SF3A3: variants seen among roughly 807,000 people sequenced by gnomAD.
SF3A3 encodes the protein splicing factor 3a subunit 3.
SF3A3 carries 9 observed loss-of-function variants against 85.8 expected under a neutral mutation model. That is an observed-to-expected ratio of 0.10 (90% CI 0.06 to 0.18). The LOEUF is 0.18. Among genes scored for constraint, SF3A3 ranks in the 10% least tolerant of loss-of-function variants. The pLI, the probability that SF3A3 is intolerant of heterozygous loss-of-function variation, is 1.00. For missense variants in SF3A3, 306 were observed against 593.3 expected, an observed-to-expected ratio of 0.52 and a Z score of 5.03; for synonymous variants, 195 against 204.4, an observed-to-expected ratio of 0.95 and a Z score of 0.39.
At chr1:37,970,337 A>T (rs1220275610) in intron 12 of SF3A3, among the ~76,000 whole-genome samples, 2 of 151,818 alleles carry the variant, frequency 1.3e-5, no homozygotes, top group Non-Finnish European at 2.9e-5. Context: ...CACACAATAC[A>T]GGAGCACCCA....
At chr1:37,966,697 G>A (rs1404390217) in intron 15 of SF3A3, among the ~76,000 whole-genome samples, 1 of 151,828 alleles carries the variant, frequency 6.6e-6, no homozygotes, top group Non-Finnish European at 1.5e-5. Flanking sequence ...AGCACTTTGG[G>A]AGGCCGAGGT....
rs376219217 is a variant in SF3A3 at position 37,979,106 on chromosome 1, A to T, written c.760-51T>A. 1.2e-5 allele frequency: 18 copies of T among 1,490,046 alleles called. No individual in the cohort carries two copies. The African/African-American group carries it at 2.4e-4, about 19-fold the overall frequency. 92.3% of individuals were successfully genotyped at this position (1,490,046 alleles called of 1,614,324 possible). ...ATATTACATTAACAGATTTTTGGGAAACCCCAAATGCAGGCCAGAGGGTGG... is the reference window on the plus strand; with the variant it reads ...ATATTACATTAACAGATTTTTGGGATACCCCAAATGCAGGCCAGAGGGTGG... On this transcript the variant is annotated intron_variant, in intron 9 of 16. Transcript: ENST00000373019.
intron 7 of SF3A3, 30 bp from the exon 8 acceptor site, chr1:37,980,754 CA>C (rs1646412388): frequency 6.5e-7 from 1 of 1,527,336 alleles, no homozygotes. Flanking sequence ...GCAGACAAAG[CA>C]AAAAGGGTTT....
intron 2 of SF3A3, among the ~76,000 whole-genome samples, chr1:37,988,595 T>C (rs963010012): frequency 6.6e-6 from 1 of 152,126 alleles, no homozygotes; most frequent in African/African-American, 2.4e-5. Context: ...TCAGAGTATT[T>C]TGGGGCTGAG....
At position 37,984,694 on chromosome 1, in the gene SF3A3, C is replaced by T. The variant is rs752296584; in HGVS notation, c.376+13G>A. On this transcript the variant is annotated intron_variant, in intron 5 of 16. Coordinates refer to ENST00000373019, the MANE Select transcript of SF3A3 (RefSeq NM_006802.4). ...TTTTGCTGGTGCTGAATGAAATTTT[C>T]ACCCCTACTTACTTTGTGCCTCTTC... 29 of 1,581,856 alleles carry T rather than the reference C, an allele frequency of 1.8e-5. No individual in the cohort carries two copies. Among genetic ancestry groups the T allele is most frequent in the Middle Eastern group, 1.7e-4 (1 of 6,004 alleles).
rs1449801962 is a variant in SF3A3, at chr1:37,969,679, T to C, written c.1062A>G (p.Glu354=). The part of the protein sequence containing the change: ...NVQRKQARTG[E]EREEEEEEQI... ...GCTCTTCTTCCTCTTCTTCTCGCTC[T>C]TCTCCTGTCCTGGCTTGCTTGCGCT... Residue 354 remains glutamate, a synonymous_variant, in exon 13 of 17, where the codon GAA becomes GAG. Transcript: ENST00000373019. The C allele has an allele frequency of 1.9e-6, 3 of 1,614,080 alleles. No homozygotes were observed. In the Admixed American group the frequency reaches 5.0e-5, roughly 27 times the overall value.
chr1:37,963,802 C>T (rs1263967493), intron 15 of SF3A3, among the ~76,000 whole-genome samples: 4 of 149,034 alleles, frequency 2.7e-5, no homozygotes, highest in South Asian at 2.2e-4. Flanking sequence ...GTTATCTGCC[C>T]GCCTCAGCCT....
chr1:37,963,742 G>A (rs948023892), intron 15 of SF3A3, among the ~76,000 whole-genome samples: 9 of 151,058 alleles, frequency 6.0e-5, no homozygotes, highest in African/African-American at 2.2e-4. Flanking sequence ...ATTTTTAGTA[G>A]AGACGGGGTT....
At chr1:37,979,241 T>C (rs896775386) in intron 9 of SF3A3, 186 bp from the exon 10 acceptor site, 4 of 624,206 alleles carry the variant, frequency 6.4e-6, no homozygotes, top group Non-Finnish European at 1.1e-5. Context: ...ACCATACTGA[T>C]AGTGTTCCAT....
chr1:37,961,910 A>AC (rs1292973472), intron 15 of SF3A3, among the ~76,000 whole-genome samples: 1 of 150,806 alleles, frequency 6.6e-6, no homozygotes, highest in Non-Finnish European at 1.5e-5. Flanking sequence ...ACATGGAGAA[A>AC]CCCCATCTCT....
At chr1:37,970,096 G>C (rs1275548927) in intron 12 of SF3A3, among the ~76,000 whole-genome samples, 1 of 152,126 alleles carries the variant, frequency 6.6e-6, no homozygotes, top group Non-Finnish European at 1.5e-5. Context: ...CTTGAGGCCA[G>C]GAGTTTGACA....
intron 8 of SF3A3, among the ~76,000 whole-genome samples, chr1:37,979,776 G>A (rs1285986552): frequency 6.6e-6 from 1 of 152,138 alleles, no homozygotes; most frequent in East Asian, 1.9e-4. Flanking sequence ...AAGATCTCTT[G>A]AGCCCACAAG....
intron 2 of SF3A3, among the ~76,000 whole-genome samples, chr1:37,988,039 T>C (rs1557756717): frequency 6.6e-6 from 1 of 152,200 alleles, no homozygotes; most frequent in Non-Finnish European, 1.5e-5. Context: ...ACAGCCTTGA[T>C]TCCTGTTTAG....
chr1:37,962,031 C>T (rs1445933174), intron 15 of SF3A3, among the ~76,000 whole-genome samples: 2 of 150,518 alleles, frequency 1.3e-5, no homozygotes, highest in African/African-American at 2.4e-5. Context: ...GTTGGGTGAG[C>T]CGAGATCGCA....
At position 37,980,664 on chromosome 1, in the gene SF3A3, T is replaced by C. The variant is rs778055820; in HGVS notation, c.612A>G (p.Gln204=). 7.5e-5 allele frequency: 121 copies of C among 1,613,978 alleles called. 1 individual carries two copies. In the South Asian group the frequency reaches 1.1e-3, roughly 14 times the overall value. Reference sequence around the variant, plus strand: ...TCTTCCCAAAAAGTTCATTCTGATCTTGGAGAGGCTTCACTCTATCTGTGT... The same window carrying C: ...TCTTCCCAAAAAGTTCATTCTGATCCTGGAGAGGCTTCACTCTATCTGTGT... ...QDYTDRVKPL[Q]DQNELFGKIQ... Residue 204 remains glutamine (Q), a synonymous_variant, in exon 8 of 17, where the codon CAA becomes CAG. Transcript: ENST00000373019.
At chr1:37,974,210 C>A (rs1162707018) in intron 12 of SF3A3, among the ~76,000 whole-genome samples, 2 of 151,542 alleles carry the variant, frequency 1.3e-5, no homozygotes, top group Non-Finnish European at 2.9e-5. Flanking sequence ...TGCACATGTA[C>A]CCTAGAACTT....
intron 12 of SF3A3, among the ~76,000 whole-genome samples, chr1:37,975,709 C>T (rs1417805201): frequency 6.6e-6 from 1 of 152,184 alleles, no homozygotes; most frequent in Non-Finnish European, 1.5e-5. Flanking sequence ...AACAGAATCA[C>T]AGGTGACTAG....
intron 15 of SF3A3, among the ~76,000 whole-genome samples, chr1:37,966,676 C>T (rs1255315466): frequency 1.3e-5 from 2 of 151,968 alleles, no homozygotes; most frequent in Non-Finnish European, 2.9e-5. Context: ...GTGGATCACG[C>T]CTGTAATCGC....
chr1:37,966,685 G>T (rs868077734), intron 15 of SF3A3, among the ~76,000 whole-genome samples: 1 of 150,440 alleles, frequency 6.6e-6, no homozygotes, highest in Non-Finnish European at 1.5e-5. Flanking sequence ...GCCTGTAATC[G>T]CAGCACTTTG....
Sources: gnomAD v4.1 joint callset for allele counts (sites outside exome capture counted in the v4.1 genomes callset) on GRCh38, gnomAD v4.1.1 for gene constraint, MANE v1.5 for transcripts, NCBI Gene and HGNC (gene_info 2026-07-23, HGNC 2026-07-21) for gene names.